The following FRMD6 variants were observed in gnomAD, a reference collection of about 807,000 sequenced individuals.
FRMD6 encodes the protein FERM domain-containing protein 6.
In FRMD6, 37 loss-of-function variants were observed where a neutral mutation model predicts 73.2. The observed-to-expected ratio is 0.51, with a 90% CI of 0.39 to 0.66. The LOEUF (loss-of-function observed/expected upper bound fraction) is 0.66, where lower values mean the gene tolerates loss of function less well. Ranked by LOEUF, FRMD6 falls within the 30% of genes least tolerant of loss-of-function variation. The probability of loss-of-function intolerance (pLI) is 0.00; values close to 1 mark genes in which losing one functional copy is unlikely to be tolerated. For missense variants in FRMD6, 714 were observed against 780.5 expected (o/e 0.91, Z 1.02); for synonymous variants, 273 against 282.2 (o/e 0.97, Z 0.33).
chr14:51,525,021 G>GCC (rs1885153792), intron 1 of FRMD6, among the ~76,000 whole-genome samples: 1 of 147,272 alleles, frequency 6.8e-6, no homozygotes, highest in African/African-American at 2.5e-5. Context: ...TGGGTGGGTG[G>GCC]GTGGGTGGAT....
intron 1 of FRMD6, among the ~76,000 whole-genome samples, chr14:51,676,670 C>G (rs1327459571): frequency 6.6e-6 from 1 of 152,084 alleles, no homozygotes; most frequent in East Asian, 1.9e-4. Flanking sequence ...GTGAAATATA[C>G]ACATAGAAGA....
At chr14:51,475,837 T>C in the FRMD6 span, among the ~76,000 whole-genome samples, 9 of 152,082 alleles carry the variant, frequency 5.9e-5, no homozygotes, top group Admixed American at 5.9e-4. Flanking sequence ...AAATTTAAGA[T>C]GGAGAAAAGC....
intron 1 of FRMD6, among the ~76,000 whole-genome samples, chr14:51,567,584 C>T (rs1316000570): frequency 6.6e-6 from 1 of 152,234 alleles, no homozygotes; most frequent in East Asian, 1.9e-4. Flanking sequence ...AAGCAATCCT[C>T]CTGTCTTGGC....
At chr14:51,679,958 A>G (rs1249014572) in intron 1 of FRMD6, among the ~76,000 whole-genome samples, 1 of 152,224 alleles carries the variant, frequency 6.6e-6, no homozygotes, top group Non-Finnish European at 1.5e-5. Context: ...AAATAATGCC[A>G]AAGAAGAAGG....
chr14:51,408,437 A>G, the FRMD6 span, among the ~76,000 whole-genome samples: 2 of 152,162 alleles, frequency 1.3e-5, no homozygotes, highest in African/African-American at 4.8e-5. Flanking sequence ...TATATTACAT[A>G]ACTCTTAACT....
chr14:51,670,847 A>G (rs1354372758), intron 1 of FRMD6, among the ~76,000 whole-genome samples: 3 of 152,072 alleles, frequency 2.0e-5, no homozygotes, highest in Admixed American at 6.6e-5. Context: ...GGGTTTCGTC[A>G]TGTTGGCCAG....
At chr14:51,509,676 G>C (rs1012907997) in intron 1 of FRMD6, among the ~76,000 whole-genome samples, 2 of 152,122 alleles carry the variant, frequency 1.3e-5, no homozygotes, top group Non-Finnish European at 2.9e-5. Context: ...TCCCAGGCTA[G>C]AGTGCAGTGG....
chr14:51,503,733 T>C (rs1377708843), intron 1 of FRMD6, among the ~76,000 whole-genome samples: 1 of 151,994 alleles, frequency 6.6e-6, no homozygotes, highest in Non-Finnish European at 1.5e-5. Flanking sequence ...GATGCTGGCT[T>C]CATAGAATGA....
At chr14:51,529,192 A>G (rs181662439) in intron 1 of FRMD6, among the ~76,000 whole-genome samples, 3 of 152,370 alleles carry the variant, frequency 2.0e-5, no homozygotes, top group South Asian at 4.1e-4. Flanking sequence ...CTGAAAGCAT[A>G]TATTATGGTG....
intron 2 of FRMD6, among the ~76,000 whole-genome samples, chr14:51,573,660 C>T (rs1405837162): frequency 2.0e-5 from 3 of 152,122 alleles, no homozygotes; most frequent in Non-Finnish European, 4.4e-5. Flanking sequence ...TCACGCTGGT[C>T]GTTTGTATTC....
chr14:51,592,446 T>A lies in FRMD6; in HGVS notation c.-147+22036T>A, dbSNP rs190059449. 5.9e-3 allele frequency among the ~76,000 whole-genome samples: 894 copies of A among 152,362 alleles called. 6 individuals are homozygous for A. The highest frequency in any genetic ancestry group is 0.02 in the African/African-American group (847 of 41,574). ...CCATCCCTGGAGCCCTGTACAGTGTTTTAAATAAGTAGTAGGTGCTCAATA... is the reference window on the plus strand; with the variant it reads ...CCATCCCTGGAGCCCTGTACAGTGTATTAAATAAGTAGTAGGTGCTCAATA... On this transcript the variant is annotated intron_variant, in intron 2 of 14. Coordinates refer to the FRMD6 transcript ENST00000356218.
At chr14:51,667,981 G>C (rs567192336) in intron 1 of FRMD6, among the ~76,000 whole-genome samples, 1 of 152,176 alleles carries the variant, frequency 6.6e-6, no homozygotes, top group African/African-American at 2.4e-5. Context: ...AAGTTGTAGA[G>C]TAAAACCTAG....
At chr14:51,638,218 G>A (rs991666444) in intron 2 of FRMD6, among the ~76,000 whole-genome samples, 1 of 152,102 alleles carries the variant, frequency 6.6e-6, no homozygotes, top group Non-Finnish European at 1.5e-5. Flanking sequence ...GGAGTTTGAG[G>A]TTGCAGAGAG....
intron 2 of FRMD6, among the ~76,000 whole-genome samples, chr14:51,581,810 G>A (rs1466978043): frequency 6.6e-6 from 1 of 151,580 alleles, no homozygotes; most frequent in Non-Finnish European, 1.5e-5. Flanking sequence ...ATTCTAACCT[G>A]GAAATGCTTT....
chr14:51,590,062 CAAAAAAA>C (rs529602796), intron 2 of FRMD6, among the ~76,000 whole-genome samples: 4 of 82,592 alleles, frequency 4.8e-5, no homozygotes, highest in Non-Finnish European at 8.8e-5. Flanking sequence ...GAGCGAAACT[CAAAAAAA>C]AAAAAAAAAA....
chr14:51,448,504 G>T, the FRMD6 span, among the ~76,000 whole-genome samples: 1 of 152,192 alleles, frequency 6.6e-6, no homozygotes, highest in Non-Finnish European at 1.5e-5. Flanking sequence ...TGAATTTGTT[G>T]GCATGTCTGA....
intron 1 of FRMD6, among the ~76,000 whole-genome samples, chr14:51,512,311 C>T (rs1026863435): frequency 6.6e-6 from 1 of 152,110 alleles, no homozygotes; most frequent in African/African-American, 2.4e-5. Context: ...TCATAGGATC[C>T]CTCCCTGCTC....
chr14:51,622,486 T>C (rs1890961637), intron 2 of FRMD6, among the ~76,000 whole-genome samples: 1 of 152,094 alleles, frequency 6.6e-6, no homozygotes, highest in African/African-American at 2.4e-5. Flanking sequence ...CAGTCCTGAC[T>C]CCTAGTCCTT....
At chr14:51,405,142 T>C in the FRMD6 span, among the ~76,000 whole-genome samples, 1 of 152,192 alleles carries the variant, frequency 6.6e-6, no homozygotes, top group Non-Finnish European at 1.5e-5. Flanking sequence ...TTCCATGGTA[T>C]ATATATACCA....
Sources: gnomAD v4.1 joint callset for allele counts (sites outside exome capture counted in the v4.1 genomes callset) on GRCh38, gnomAD v4.1.1 for gene constraint, MANE v1.5 for transcripts, NCBI Gene and HGNC (gene_info 2026-07-23, HGNC 2026-07-21) for gene names.